The following ADGRL2 variants were observed in gnomAD, a reference collection of about 807,000 sequenced individuals.
ADGRL2 encodes the protein adhesion G protein-coupled receptor L2.
A neutral mutation model predicts 157.4 loss-of-function variants in ADGRL2; 44 were observed. The observed-to-expected ratio is 0.28, with a 90% confidence interval of 0.22 to 0.36. The LOEUF (loss-of-function observed/expected upper bound fraction) is 0.36. Among genes scored for constraint, ADGRL2 ranks in the 10% least tolerant of loss-of-function variants. ADGRL2 has a pLI of 1.00. For missense variants in ADGRL2, 1,510 were observed against 1,768.9 expected (o/e 0.85, Z 2.63); for synonymous variants, 585 against 624.7 (o/e 0.94, Z 0.95).
chr1:81,466,000 T>C (rs1387427675), intron 2 of ADGRL2, among the ~76,000 whole-genome samples: 2 of 152,190 alleles, frequency 1.3e-5, no homozygotes, highest in African/African-American at 4.8e-5. Context: ...ATATTTACAA[T>C]ATAATATGAA....
At chr1:81,724,730 A>G (rs2149142870) in intron 1 of ADGRL2, among the ~76,000 whole-genome samples, 1 of 152,364 alleles carries the variant, frequency 6.6e-6, no homozygotes, top group Admixed American at 6.5e-5. Flanking sequence ...TATTTGAAGA[A>G]TCAGTGGTAG....
At position 81,485,225 on chromosome 1, in the gene ADGRL2, A is replaced by G. The variant is rs559481656; in HGVS notation, c.-248+40136A>G. 3.9e-5 allele frequency among the ~76,000 whole-genome samples: 6 copies of G among 152,166 alleles called. No homozygotes were observed. The South Asian group carries it at 1.2e-3, about 32-fold the overall frequency. The stretch of plus-strand genomic sequence containing the variant: ...TGTCTGAGTGGTGTGTAGTAATCAG[A>G]AACAGGGAAAAGAAATAAAAATCAT... On this transcript the variant is annotated intron_variant, in intron 2 of 24. Coordinates refer to the ADGRL2 transcript ENST00000370721.
chr1:81,468,561 G>A (rs1407848589), intron 2 of ADGRL2, among the ~76,000 whole-genome samples: 3 of 152,080 alleles, frequency 2.0e-5, no homozygotes, highest in Admixed American at 6.6e-5. Context: ...GCTAAAGAAG[G>A]GCAAAACGTA....
intron 1 of ADGRL2, among the ~76,000 whole-genome samples, chr1:81,431,995 C>T (rs892971292): frequency 2.0e-5 from 3 of 152,160 alleles, no homozygotes; most frequent in African/African-American, 7.2e-5. Context: ...CCTGTATTTA[C>T]CACCCAAAAG....
At chr1:81,519,469 A>C (rs2148150332) in intron 2 of ADGRL2, among the ~76,000 whole-genome samples, 1 of 152,346 alleles carries the variant, frequency 6.6e-6, no homozygotes, top group African/African-American at 2.4e-5. Flanking sequence ...AAGAAAAAAA[A>C]ATAGTTGTAT....
rs71085382 is a variant in ADGRL2 at position 81,993,087 on chromosome 1, ATTTTTTTTTTTTT to A, written c.*1962_*1974del. Among the ~76,000 whole-genome samples, 70 of 29,146 alleles carry A rather than the reference ATTTTTTTTTTTTT, an allele frequency of 2.4e-3. No homozygotes were observed. The highest frequency in any genetic ancestry group is 0.016 in the South Asian group (13 of 812). The allele number at this position is 29,146 out of a possible 152,430, so 19.1% of individuals were successfully genotyped here. On this transcript the variant is annotated 3_prime_UTR_variant, in exon 24 of 24. Transcript: ENST00000686636. ...TATATATATATATATATATATATAT[ATTTTTTTTTTTTT>A]TTTTTTTTTTTTTTTTTTTGGGACA...
chr1:81,665,798 C>T (rs1371453105), intron 3 of ADGRL2, among the ~76,000 whole-genome samples: 1 of 151,996 alleles, frequency 6.6e-6, no homozygotes, highest in Non-Finnish European at 1.5e-5. Context: ...CTTTATGAAC[C>T]TTCAGAGAAT....
chr1:81,609,759 T>C (rs2389163), intron 3 of ADGRL2, among the ~76,000 whole-genome samples: 130,934 of 152,198 alleles, frequency 0.86, 56,527 homozygotes, highest in African/African-American at 0.93. Flanking sequence ...AATGTCTGCA[T>C]ATGGAAGATT....
intron 2 of ADGRL2, among the ~76,000 whole-genome samples, chr1:81,856,523 T>G (rs1428883966): frequency 6.6e-6 from 1 of 152,170 alleles, no homozygotes; most frequent in African/African-American, 2.4e-5. Context: ...TCAGGCTGGC[T>G]TTGCCCCTTT....
At chr1:81,629,779 T>C (rs1287095532) in intron 3 of ADGRL2, among the ~76,000 whole-genome samples, 1 of 151,296 alleles carries the variant, frequency 6.6e-6, no homozygotes, top group Non-Finnish European at 1.5e-5. Context: ...ATAGTAGAGA[T>C]TGGGTTTTGC....
At chr1:81,520,829 G>T (rs144766222) in intron 2 of ADGRL2, among the ~76,000 whole-genome samples, 1 of 152,250 alleles carries the variant, frequency 6.6e-6, no homozygotes, top group East Asian at 1.9e-4. Context: ...ATGACAGGCA[G>T]TCTGGCACAA....
At chr1:81,632,197 G>C (rs1264275097) in intron 3 of ADGRL2, among the ~76,000 whole-genome samples, 3 of 152,190 alleles carry the variant, frequency 2.0e-5, no homozygotes, top group African/African-American at 7.2e-5. Flanking sequence ...GCTAATGAGA[G>C]AGACGACTAC....
chr1:81,804,272 A>C (rs2088777895), intron 1 of ADGRL2, among the ~76,000 whole-genome samples: 1 of 152,198 alleles, frequency 6.6e-6, no homozygotes, highest in Non-Finnish European at 1.5e-5. Context: ...AGAATACTAC[A>C]GAACAAATGT....
At position 81,943,716 on chromosome 1, in the gene ADGRL2, A is replaced by G. The variant is rs1648828998; in HGVS notation, c.1157A>G (p.Asn386Ser). The G allele has an allele frequency of 1.9e-6, 3 of 1,613,614 alleles. No individual in the cohort carries two copies. Among genetic ancestry groups the G allele is most frequent in the Non-Finnish European group, 2.5e-6 (3 of 1,179,630 alleles). Residue 386 changes from asparagine to serine, a missense_variant, in exon 6 of 24, where the codon AAT becomes AGT. Asn to Ser is a conservative substitution (Grantham distance 46). Transcript: ENST00000686636. This position sits in a 1 kb window ranked among gnomAD's most constrained non-coding sequence, Gnocchi z 5.6. ...PRDNQLYVWNNNFILRYSLEF... is the reference protein window; with the variant it reads ...PRDNQLYVWNSNFILRYSLEF... ...GATAACCAACTTTACGTGTGGAACA[A>G]TAACTTCATTTTACGATATTCTCTG...
At chr1:81,435,870 G>A (rs564676599) in intron 1 of ADGRL2, among the ~76,000 whole-genome samples, 70 of 152,302 alleles carry the variant, frequency 4.6e-4, no homozygotes, top group Middle Eastern at 3.4e-3. Context: ...TCTGAGGCAG[G>A]TGGATCACCT....
At chr1:81,427,107 C>G in intron 1 of ADGRL2, 1 of 1,456,516 alleles carries the variant, frequency 6.9e-7, no homozygotes, top group South Asian at 1.1e-5. Context: ...GAGATGCAGT[C>G]TGCTGGATCA....
At chr1:81,706,588 G>A (rs918323517) in intron 1 of ADGRL2, among the ~76,000 whole-genome samples, 6 of 152,178 alleles carry the variant, frequency 3.9e-5, no homozygotes, top group Non-Finnish European at 7.3e-5. Context: ...CCAAAGGATA[G>A]GTGAGATTGT....
chr1:81,624,226 T>G (rs1318646904), intron 3 of ADGRL2, among the ~76,000 whole-genome samples: 2 of 152,192 alleles, frequency 1.3e-5, no homozygotes, highest in African/African-American at 4.8e-5. Context: ...GTATTTATTA[T>G]GGAAGCGCTA....
chr1:81,394,904 T>C (rs2076627735), intron 1 of ADGRL2, among the ~76,000 whole-genome samples: 1 of 151,486 alleles, frequency 6.6e-6, no homozygotes, highest in Admixed American at 6.6e-5. Flanking sequence ...TATTTATTTA[T>C]TTATTTATTT....
Sources: allele counts gnomAD v4.1 joint callset (sites outside exome capture counted in the v4.1 genomes callset), GRCh38; gene constraint gnomAD v4.1.1; non-coding constraint Gnocchi (gnomAD v3.1); transcripts MANE v1.5; gene names NCBI Gene and HGNC (gene_info 2026-07-23, HGNC 2026-07-21).